Variants in CRISPLD2 observed in about 807,000 individuals in gnomAD.
CRISPLD2 encodes the protein cysteine-rich secretory protein LCCL domain-containing 2.
CRISPLD2 carries 47 observed loss-of-function variants against 71.1 expected under a neutral mutation model. The observed-to-expected ratio is 0.66, with a 90% CI of 0.52 to 0.84. The LOEUF (loss-of-function observed/expected upper bound fraction) is 0.84, where lower values mean the gene tolerates loss of function less well. Ranked by LOEUF, CRISPLD2 falls within the 40% of genes least tolerant of loss-of-function variation. The pLI, the probability that CRISPLD2 is intolerant of heterozygous loss-of-function variation, is 0.00. For synonymous variants in CRISPLD2, 317 were observed against 250.1 expected, an observed-to-expected ratio of 1.27 and a Z score of -2.52; for missense variants, 830 against 651.1, an observed-to-expected ratio of 1.27 and a Z score of -2.99.
chr16:84,865,596 G>A (rs1917514773), intron 6 of CRISPLD2, among the ~76,000 whole-genome samples: 1 of 152,068 alleles, frequency 6.6e-6, no homozygotes, highest in African/African-American at 2.4e-5. Context: ...TCCAACTCTG[G>A]TCCAAAGACT....
intron 14 of CRISPLD2, among the ~76,000 whole-genome samples, chr16:84,899,057 T>C (rs1360537218): frequency 1.3e-5 from 2 of 152,164 alleles, no homozygotes. Context: ...CACATCTGGC[T>C]AATTTTTTTA....
intron 1 of CRISPLD2, among the ~76,000 whole-genome samples, chr16:84,823,057 GTC>G (rs370305264): frequency 1.7e-4 from 26 of 152,226 alleles, no homozygotes; most frequent in African/African-American, 5.5e-4. Flanking sequence ...TCTCCTTTCT[GTC>G]TCTACGAACT....
intron 2 of CRISPLD2, among the ~76,000 whole-genome samples, chr16:84,845,345 C>T (rs1286907207): frequency 2.0e-5 from 3 of 152,150 alleles, no homozygotes; most frequent in African/African-American, 7.2e-5. Context: ...CTGGATCATG[C>T]GTAGTAAGGA....
At chr16:84,835,157 C>A (rs767733904) in intron 1 of CRISPLD2, among the ~76,000 whole-genome samples, 1 of 152,120 alleles carries the variant, frequency 6.6e-6, no homozygotes, top group Non-Finnish European at 1.5e-5. Context: ...ATGGCATGAT[C>A]TCGGCTCACT....
At chr16:84,879,857 G>A (rs1011110540) in intron 12 of CRISPLD2, among the ~76,000 whole-genome samples, 5 of 152,144 alleles carry the variant, frequency 3.3e-5, no homozygotes, top group Non-Finnish European at 7.4e-5. Context: ...TCCAGCCCAC[G>A]GTGGACTGTT....
At chr16:84,841,370 G>A (rs1916765661) in intron 2 of CRISPLD2, among the ~76,000 whole-genome samples, 1 of 152,054 alleles carries the variant, frequency 6.6e-6, no homozygotes, top group Admixed American at 6.6e-5. Flanking sequence ...GGTCTCAGAG[G>A]AGCTCTCAAA....
chr16:84,864,644 C>A (rs991318452), intron 6 of CRISPLD2, among the ~76,000 whole-genome samples: 18 of 152,196 alleles, frequency 1.2e-4, no homozygotes, highest in African/African-American at 4.3e-4. Flanking sequence ...GACATATGCT[C>A]TTTTCTTTAG....
Position 84,867,063 on chromosome 16 carries a change from C to T in CRISPLD2, c.853+23C>T, listed in dbSNP as rs776682430. On this transcript the variant is annotated intron_variant, in intron 7 of 14. Coordinates refer to ENST00000262424, the MANE Select transcript of CRISPLD2 (RefSeq NM_031476.4). ...TGAGTGAGTCTAGGCCGTCCTCCGC[C>T]CCTCCTGCCCTCCCAGCCACCTCCA... 2.5e-6 allele frequency: 4 copies of T among 1,605,370 alleles called. No individual in the cohort carries two copies. In the East Asian group the frequency reaches 9.0e-5, roughly 36 times the overall value.
rs1427708179 is a variant in CRISPLD2, at chr16:84,889,269, A to T, written c.1345A>T (p.Ile449Phe). The change falls in exon 14 of 15, where the codon ATC becomes TTC. Residue 449 changes from isoleucine to phenylalanine, a missense_variant. Transcript: ENST00000262424. ...CAAGACAGCCGTGCACGCGGGAGTCATCAGCAACGAGAGTGGGGGTGACGT... is the reference window on the plus strand; with the variant it reads ...CAAGACAGCCGTGCACGCGGGAGTCTTCAGCAACGAGAGTGGGGGTGACGT... ...ICKTAVHAGV[I>F]SNESGGDVDV... The T allele has an allele frequency of 6.2e-7, 1 of 1,614,154 alleles. No homozygotes were observed. Among genetic ancestry groups the T allele is most frequent in the South Asian group, 1.1e-5 (1 of 91,078 alleles).
chr16:84,832,691 G>A (rs1239916664), intron 1 of CRISPLD2, among the ~76,000 whole-genome samples: 1 of 152,246 alleles, frequency 6.6e-6, no homozygotes, highest in African/African-American at 2.4e-5. Flanking sequence ...TGAGCTGTGG[G>A]AACAGCATGT....
rs2071833159 is a variant in CRISPLD2, at chr16:84,909,429, G to A, written c.*2787G>A. ...TGTTGCAATTGTTTCAGTAGAACTG[G>A]TTTGATTTCTAAAATGTTCCTGTAA... On this transcript the variant is annotated 3_prime_UTR_variant, in exon 15 of 15. Coordinates refer to ENST00000262424, the MANE Select transcript of CRISPLD2 (RefSeq NM_031476.4). The A allele has an allele frequency of 6.6e-6, 1 of 152,604 alleles. No individual in the cohort carries two copies. Among genetic ancestry groups the A allele is most frequent in the South Asian group, 2.1e-4 (1 of 4,834 alleles). 9.5% of individuals were successfully genotyped at this position (152,604 alleles called of 1,614,324 possible).
At chr16:84,867,097 G>A (rs370621330) in intron 7 of CRISPLD2, 57 bp downstream of exon 7, 22 of 1,569,732 alleles carry the variant, frequency 1.4e-5, no homozygotes, top group African/African-American at 6.8e-5. Flanking sequence ...CAAAGGGGAC[G>A]GGGTGGGTGG....
intron 8 of CRISPLD2, 43 bp downstream of exon 8, chr16:84,868,954 C>T (rs757570103): frequency 6.6e-7 from 1 of 1,516,310 alleles, no homozygotes; most frequent in Non-Finnish European, 9.0e-7. Flanking sequence ...GCCTCTGAGT[C>T]TGTGCTGGGC....
At chr16:84,901,459 C>T (rs1434462771) in intron 14 of CRISPLD2, among the ~76,000 whole-genome samples, 1 of 147,730 alleles carries the variant, frequency 6.8e-6, no homozygotes, top group Non-Finnish European at 1.5e-5. Context: ...AAGAACACTC[C>T]TGGCTGCACT....
chr16:84,880,451 T>C, intron 12 of CRISPLD2, 58 bp from the exon 13 acceptor site: 1 of 1,365,510 alleles, frequency 7.3e-7, no homozygotes, highest in Non-Finnish European at 1.0e-6. Context: ...GAGAGCCAGC[T>C]TAAGAAGTTT....
intron 13 of CRISPLD2, among the ~76,000 whole-genome samples, chr16:84,883,572 A>G (rs111435726): frequency 2.6e-5 from 4 of 152,320 alleles, no homozygotes; most frequent in Middle Eastern, 3.4e-3. Flanking sequence ...CGCCTGCCTG[A>G]GGGCTGGAAC....
intron 14 of CRISPLD2, among the ~76,000 whole-genome samples, chr16:84,902,239 A>G (rs924925851): frequency 6.6e-6 from 1 of 152,192 alleles, no homozygotes; most frequent in Non-Finnish European, 1.5e-5. Context: ...TCCCAAGTAC[A>G]GAATAGAAAG....
chr16:84,896,698 G>C (rs568770946), intron 14 of CRISPLD2, among the ~76,000 whole-genome samples: 1 of 152,112 alleles, frequency 6.6e-6, no homozygotes, highest in African/African-American at 2.4e-5. Context: ...TCTGACTTCC[G>C]ATGGGTTTAT....
At chr16:84,848,958 C>A (rs1173855893) in intron 3 of CRISPLD2, among the ~76,000 whole-genome samples, 1 of 73,544 alleles carries the variant, frequency 1.4e-5, no homozygotes, top group African/African-American at 3.7e-5. Flanking sequence ...TGCACTCCAG[C>A]CTGGGCGACA....
Sources: gnomAD v4.1 joint callset for allele counts (sites outside exome capture counted in the v4.1 genomes callset) on GRCh38, gnomAD v4.1.1 for gene constraint, MANE v1.5 for transcripts, NCBI Gene and HGNC (gene_info 2026-07-23, HGNC 2026-07-21) for gene names.